The following ZCCHC4 variants were observed in gnomAD, a reference collection of about 807,000 sequenced individuals.
The protein encoded by ZCCHC4 is zinc finger CCHC-type containing 4.
A neutral mutation model predicts 67.7 loss-of-function variants in ZCCHC4; 54 were observed. That is an observed-to-expected ratio of 0.80 (90% confidence interval 0.64 to 1.00). ZCCHC4 has a LOEUF of 1.00. Among genes scored for constraint, ZCCHC4 ranks in the 50% least tolerant of loss-of-function variants. The pLI is 0.00. For missense variants in ZCCHC4, 609 were observed against 617.0 expected (o/e 0.99, Z 0.14); for synonymous variants, 198 against 213.5 (o/e 0.93, Z 0.63).
chr4:25,342,247 A>G (rs1286292935), intron 5 of ZCCHC4, among the ~76,000 whole-genome samples: 1 of 152,182 alleles, frequency 6.6e-6, no homozygotes, highest in African/African-American at 2.4e-5. Flanking sequence ...CAGATTTCTC[A>G]TAAAGACCAC....
At chr4:25,349,378 C>G in intron 6 of ZCCHC4, 114 bp from the exon 7 acceptor site, 4 of 983,756 alleles carry the variant, frequency 4.1e-6, no homozygotes, top group Non-Finnish European at 6.0e-6. Flanking sequence ...GGCAAGATGA[C>G]TTGGTAAAGT....
chr4:25,314,188 A>AT, intron 2 of ZCCHC4, 24 bp downstream of exon 2: 1 of 1,497,748 alleles, frequency 6.7e-7, no homozygotes, highest in Non-Finnish European at 9.2e-7. Context: ...TTGGATATTT[A>AT]TTTTTTATTT....
intron 7 of ZCCHC4, among the ~76,000 whole-genome samples, chr4:25,350,735 TTAAGTA>T (rs1383831230): frequency 6.6e-6 from 1 of 152,230 alleles, no homozygotes; most frequent in Non-Finnish European, 1.5e-5. Flanking sequence ...ACTCATATTG[TTAAGTA>T]TTTCACTTAT....
intron 12 of ZCCHC4, chr4:25,366,230 T>C: frequency 4.3e-6 from 4 of 931,364 alleles, no homozygotes; most frequent in Non-Finnish European, 5.1e-6. Context: ...CTACATTTAC[T>C]CTACTTTAAA....
chr4:25,365,055 C>T lies in ZCCHC4; in HGVS notation c.1295C>T (p.Ala432Val), dbSNP rs1720888084. The change falls in exon 12 of 13, where the codon GCT (alanine) becomes GTT (valine). Residue 432 changes from alanine (A) to valine (V), a missense_variant. Physicochemically the swap from Ala to Val is moderately conservative, Grantham distance 64 (BLOSUM62 0). Coordinates refer to ENST00000302874, the MANE Select transcript of ZCCHC4 (RefSeq NM_024936.3). ...CACTGTAGCATCTGCAATCACTGTG[C>T]TGTTCCAGATCATTCTTGTGAGGGC... ...WIHCSICNHC[A>V]VPDHSCEGPK... is the part of the protein sequence containing the mutation. The T allele has an allele frequency of 6.2e-7, 1 of 1,614,080 alleles. No homozygotes were observed. The highest frequency in any genetic ancestry group is 1.3e-5 in the African/African-American group (1 of 74,942).
At chr4:25,368,745 A>G (rs1721037402) in intron 12 of ZCCHC4, among the ~76,000 whole-genome samples, 1 of 152,210 alleles carries the variant, frequency 6.6e-6, no homozygotes, top group Non-Finnish European at 1.5e-5. Context: ...CAATCTCACT[A>G]GCTTTGCATT....
chr4:25,325,199 T>A (rs978809472), intron 3 of ZCCHC4, among the ~76,000 whole-genome samples: 1 of 108,812 alleles, frequency 9.2e-6, no homozygotes. Context: ...AGCCGAGATC[T>A]CGCCACTGCA....
At chr4:25,313,432 TC>T (rs1242673106) in intron 1 of ZCCHC4, among the ~76,000 whole-genome samples, 5 of 152,198 alleles carry the variant, frequency 3.3e-5, no homozygotes, top group African/African-American at 4.8e-5. Context: ...CTGAGTCCCT[TC>T]CTTGTTTTAG....
chr4:25,340,084 G>A (rs889418863), intron 5 of ZCCHC4, among the ~76,000 whole-genome samples: 88 of 152,130 alleles, frequency 5.8e-4, no homozygotes, highest in African/African-American at 2.0e-3. Flanking sequence ...TAGCCAGGAT[G>A]GTCTCGATCT....
At position 25,323,739 on chromosome 4, in the gene ZCCHC4, C is replaced by T. The variant is rs79729259; in HGVS notation, c.329+8339C>T. 6.8e-3 allele frequency among the ~76,000 whole-genome samples: 1,030 copies of T among 152,238 alleles called. 10 individuals carry two copies. The highest frequency in any genetic ancestry group is 0.023 in the African/African-American group (967 of 41,542). On this transcript the variant is annotated intron_variant, in intron 3 of 12. Transcript: ENST00000302874. ...TTTTCCCCCATCATTTTTACCTTTA[C>T]TGAGGTATGATACTTTACATATCAT...
chr4:25,327,427 TCC>T (rs1718948387), intron 3 of ZCCHC4, among the ~76,000 whole-genome samples: 1 of 97,364 alleles, frequency 1.0e-5, no homozygotes, highest in African/African-American at 4.9e-5. Flanking sequence ...CTTCCCTCCT[TCC>T]CTCCTTCCTT....
chr4:25,331,442 C>A lies in ZCCHC4; in HGVS notation c.330-1741C>A, dbSNP rs148136674. On this transcript the variant is annotated intron_variant, in intron 3 of 12. Coordinates refer to ENST00000302874, the MANE Select transcript of ZCCHC4 (RefSeq NM_024936.3). ...GCCTCTGCCTCCTAAGTAGCTGGGA[C>A]TACAGGCACATACCACCACACCTGG... Among the ~76,000 whole-genome samples, 11 of 152,176 alleles carry A rather than the reference C, an allele frequency of 7.2e-5. No individual in the cohort carries two copies. In the East Asian group the frequency reaches 2.1e-3, roughly 29 times the overall value.
At chr4:25,368,983 T>C (rs776490217) in intron 12 of ZCCHC4, 46 bp from the exon 13 acceptor site, 7 of 1,572,908 alleles carry the variant, frequency 4.5e-6, no homozygotes, top group Non-Finnish European at 6.0e-6. Context: ...AATTACATAA[T>C]TCACTGTGCT....
At chr4:25,368,992 C>T in intron 12 of ZCCHC4, 37 bp from the exon 13 acceptor site, 1 of 1,589,208 alleles carries the variant, frequency 6.3e-7, no homozygotes, top group Non-Finnish European at 8.5e-7. Context: ...ATTCACTGTG[C>T]TCATTCTGTG....
chr4:25,362,444 A>G (rs1467530918), intron 10 of ZCCHC4, 143 bp downstream of exon 10: 4 of 490,054 alleles, frequency 8.2e-6, no homozygotes, highest in African/African-American at 4.0e-5. Context: ...GCTATAATAC[A>G]ATATTTTAAA....
chr4:25,336,768 T>C (rs914178350), intron 5 of ZCCHC4, among the ~76,000 whole-genome samples: 2 of 152,226 alleles, frequency 1.3e-5, no homozygotes, highest in African/African-American at 4.8e-5. Flanking sequence ...ATTACAGGTG[T>C]GAAACACTGT....
Position 25,314,030 on chromosome 4 carries a change from T to TTTC in ZCCHC4, c.128-16_128-15insTTC, listed in dbSNP as rs752050691. Reference sequence around the variant, plus strand: ...TTACTTGACACTTTTTTTTTTTTTTTCTATTCTGGAACTAGGACCCACTCT... The same window carrying TTTC: ...TTACTTGACACTTTTTTTTTTTTTTTTTCCTATTCTGGAACTAGGACCCACTCT... On this transcript the variant is annotated splice_polypyrimidine_tract_variant and intron_variant, in intron 1 of 12. Transcript: ENST00000302874. 6 of 1,474,426 alleles carry TTTC rather than the reference T, an allele frequency of 4.1e-6. No homozygotes were observed. The highest frequency in any genetic ancestry group is 4.6e-6 in the Non-Finnish European group (5 of 1,084,564). 91.3% of individuals were successfully genotyped at this position (1,474,426 alleles called of 1,614,324 possible). A position where few individuals can be genotyped will look rare whatever the true frequency, so the allele number is the denominator to read the frequency against.
intron 3 of ZCCHC4, among the ~76,000 whole-genome samples, chr4:25,320,514 G>A (rs1166399630): frequency 6.6e-6 from 1 of 152,206 alleles, no homozygotes; most frequent in East Asian, 1.9e-4. Context: ...CCTGCAATTT[G>A]TGAATCATGC....
intron 5 of ZCCHC4, among the ~76,000 whole-genome samples, chr4:25,343,284 A>G (rs890671444): frequency 1.3e-5 from 2 of 152,218 alleles, no homozygotes; most frequent in Admixed American, 6.5e-5. Flanking sequence ...GTGCAAATTT[A>G]TATTTTAGGA....
Sources: gnomAD v4.1 joint callset for allele counts (sites outside exome capture counted in the v4.1 genomes callset) on GRCh38, gnomAD v4.1.1 for gene constraint, MANE v1.5 for transcripts, NCBI Gene and HGNC (gene_info 2026-07-23, HGNC 2026-07-21) for gene names.